The following FOXN3 variants were observed in gnomAD, a reference collection of about 807,000 sequenced individuals.
FOXN3 encodes forkhead box N3.
A neutral mutation model predicts 38.4 loss-of-function variants in FOXN3; 7 were observed. That is an observed-to-expected ratio of 0.18 (90% CI 0.10 to 0.34). The LOEUF is 0.34. Ranked by LOEUF, FOXN3 falls within the 10% of genes least tolerant of loss-of-function variation. FOXN3 has a pLI of 1.00. For missense variants in FOXN3, 456 were observed against 613.4 expected (o/e 0.74, Z 2.71); for synonymous variants, 230 against 242.2 (o/e 0.95, Z 0.47).
At chr14:89,509,196 G>C in intron 1 of FOXN3, among the ~76,000 whole-genome samples, 1 of 152,124 alleles carries the variant, frequency 6.6e-6, no homozygotes, top group East Asian at 1.9e-4. Flanking sequence ...CCCTCCATCA[G>C]TGAAGGAATC....
At chr14:89,435,279 G>A (rs1450785284) in intron 1 of FOXN3, among the ~76,000 whole-genome samples, 1 of 151,774 alleles carries the variant, frequency 6.6e-6, no homozygotes, top group East Asian at 1.9e-4. Flanking sequence ...GGCTGAAGCA[G>A]GAGGATCACT....
chr14:89,423,893 CT>C (rs1390583837), intron 1 of FOXN3, among the ~76,000 whole-genome samples: 1 of 152,104 alleles, frequency 6.6e-6, no homozygotes, highest in Non-Finnish European at 1.5e-5. Flanking sequence ...TTGGGAGATC[CT>C]ATAAGAGAGT....
chr14:89,598,021 T>A (rs1188654421), intron 1 of FOXN3, among the ~76,000 whole-genome samples: 1 of 152,028 alleles, frequency 6.6e-6, no homozygotes, highest in Non-Finnish European at 1.5e-5. Context: ...TCTTAAGTAT[T>A]ATTATTCTAT....
intron 4 of FOXN3, among the ~76,000 whole-genome samples, chr14:89,204,315 T>C (rs1214712750): frequency 6.6e-6 from 1 of 152,166 alleles, no homozygotes; most frequent in Non-Finnish European, 1.5e-5. Context: ...GGTGCATGGC[T>C]GGGCTGCCCT....
At chr14:89,358,213 G>C (rs1027760023) in intron 2 of FOXN3, among the ~76,000 whole-genome samples, 1 of 152,202 alleles carries the variant, frequency 6.6e-6, no homozygotes, top group Admixed American at 6.5e-5. Flanking sequence ...CTGGGCTTCA[G>C]TAAGACCTTA....
chr14:89,254,973 C>T (rs1490418272), intron 4 of FOXN3, among the ~76,000 whole-genome samples: 1 of 152,144 alleles, frequency 6.6e-6, no homozygotes. Flanking sequence ...ACTTGTGTAT[C>T]GATTCAGAGC....
chr14:89,339,053 T>C (rs1343206941), intron 3 of FOXN3, among the ~76,000 whole-genome samples: 1 of 152,126 alleles, frequency 6.6e-6, no homozygotes. Flanking sequence ...CAGGCTGGAG[T>C]GCAACGGTGC....
chr14:89,354,222 GGTT>G (rs1240191455), intron 2 of FOXN3, among the ~76,000 whole-genome samples: 2 of 146,790 alleles, frequency 1.4e-5, no homozygotes, highest in Non-Finnish European at 3.0e-5. Flanking sequence ...TTTTTTGTTT[GGTT>G]TTTTTTGTTT....
At chr14:89,319,549 A>G (rs2139970573) in intron 3 of FOXN3, among the ~76,000 whole-genome samples, 1 of 152,090 alleles carries the variant, frequency 6.6e-6, no homozygotes, top group South Asian at 2.1e-4. Context: ...TCTTCCACCA[A>G]CCACAGTGTT....
chr14:89,393,018 A>G (rs1224776963), intron 2 of FOXN3, among the ~76,000 whole-genome samples: 4 of 151,772 alleles, frequency 2.6e-5, no homozygotes, highest in Non-Finnish European at 1.5e-5. Context: ...TATTGGCCAG[A>G]CTGGTCTCAA....
At position 89,482,766 on chromosome 14, in the gene FOXN3, TG is replaced by T. The variant is rs757127292; in HGVS notation, c.-14-70277del. Among the ~76,000 whole-genome samples the T allele has an allele frequency of 2.7e-3, 401 of 149,214 alleles. 6 individuals carry two copies. Among genetic ancestry groups the T allele is most frequent in the African/African-American group, 9.7e-3 (390 of 40,370 alleles). The stretch of plus-strand genomic sequence containing the variant: ...TCTACTAAAAAATAAAGAAATTAGC[TG>T]GGCATGGTGGCACGTGTCTGTAATC... On this transcript the variant is annotated intron_variant, in intron 1 of 6. Transcript: ENST00000345097.
At chr14:89,226,743 T>G (rs186517185) in intron 4 of FOXN3, among the ~76,000 whole-genome samples, 224 of 152,302 alleles carry the variant, frequency 1.5e-3, no homozygotes, top group African/African-American at 5.1e-3. Flanking sequence ...CATACTCAAG[T>G]AGGATGGGCC....
chr14:89,163,068 A>G lies in FOXN3; in HGVS notation c.852-99T>C. On this transcript the variant is annotated intron_variant, in intron 5 of 5. Coordinates refer to ENST00000557258, the MANE Select transcript of FOXN3 (RefSeq NM_005197.4). The surrounding 1 kb of genome is among the most constrained non-coding windows in gnomAD (Gnocchi z 4.3). Reference sequence around the variant, plus strand: ...CCCGGCAGCCCGCCTGCATTCAACCATCAGTCCCTTTGTGTTCAATGGAGC... The same window carrying G: ...CCCGGCAGCCCGCCTGCATTCAACCGTCAGTCCCTTTGTGTTCAATGGAGC... 4 of 1,152,156 alleles carry G rather than the reference A, an allele frequency of 3.5e-6. No individual in the cohort carries two copies. The highest frequency in any genetic ancestry group is 4.7e-6 in the Non-Finnish European group (4 of 846,670). 71.4% of individuals were successfully genotyped at this position (1,152,156 alleles called of 1,614,324 possible).
intron 2 of FOXN3, among the ~76,000 whole-genome samples, chr14:89,352,306 G>T (rs1418617961): frequency 2.0e-5 from 3 of 152,214 alleles, no homozygotes; most frequent in Non-Finnish European, 4.4e-5. Context: ...ACCCAGAATA[G>T]TTCAGGGGGA....
chr14:89,461,522 C>T (rs1566663901), intron 1 of FOXN3, among the ~76,000 whole-genome samples: 1 of 152,132 alleles, frequency 6.6e-6, no homozygotes, highest in African/African-American at 2.4e-5. Flanking sequence ...AATAAATACA[C>T]TAATGAACTA....
intron 4 of FOXN3, among the ~76,000 whole-genome samples, chr14:89,187,056 G>A (rs1416519960): frequency 6.6e-6 from 1 of 152,220 alleles, no homozygotes; most frequent in Non-Finnish European, 1.5e-5. Context: ...AAGGGTAGGA[G>A]GAAGAGAAAA....
chr14:89,515,012 G>A (rs1756302), intron 1 of FOXN3, among the ~76,000 whole-genome samples: 1 of 151,704 alleles, frequency 6.6e-6, no homozygotes, highest in East Asian at 2.0e-4. Context: ...CTCCGCATCC[G>A]GAGTTCAAGC....
At chr14:89,509,237 C>T (rs952739925) in intron 1 of FOXN3, among the ~76,000 whole-genome samples, 1 of 152,190 alleles carries the variant, frequency 6.6e-6, no homozygotes, top group African/African-American at 2.4e-5. Context: ...AGTTATAGCA[C>T]CCATGCTTGC....
chr14:89,354,177 C>G (rs970074862), intron 2 of FOXN3, among the ~76,000 whole-genome samples: 1 of 152,016 alleles, frequency 6.6e-6, no homozygotes, highest in Non-Finnish European at 1.5e-5. Flanking sequence ...AGAAAAATAT[C>G]TGCATCTCAT....
Sources: allele counts gnomAD v4.1 joint callset (sites outside exome capture counted in the v4.1 genomes callset), GRCh38; gene constraint gnomAD v4.1.1; non-coding constraint Gnocchi (gnomAD v3.1); transcripts MANE v1.5; gene names NCBI Gene and HGNC (gene_info 2026-07-23, HGNC 2026-07-21).